Variants in SNAP91 observed in about 807,000 individuals in gnomAD.
The protein encoded by SNAP91 is synaptosome associated protein 91.
A neutral mutation model predicts 100.3 loss-of-function variants in SNAP91; 27 were observed. The observed-to-expected ratio is 0.27, with a 90% CI of 0.20 to 0.37. The LOEUF (loss-of-function observed/expected upper bound fraction) is 0.37, where lower values mean the gene tolerates loss of function less well. Among genes scored for constraint, SNAP91 ranks in the 10% least tolerant of loss-of-function variants. The pLI is 1.00. For synonymous variants in SNAP91, 404 were observed against 398.6 expected (o/e 1.01, Z -0.16); for missense variants, 986 against 1,123.7 (o/e 0.88, Z 1.75).
intron 22 of SNAP91, 112 bp downstream of exon 22, chr6:83,591,099 C>A: frequency 1.4e-6 from 1 of 696,454 alleles, no homozygotes; most frequent in Non-Finnish European, 2.4e-6. Flanking sequence ...AATTTTATGT[C>A]TTGAAAGAAA....
chr6:83,572,255 T>C (rs528140196), intron 26 of SNAP91, among the ~76,000 whole-genome samples: 47 of 152,274 alleles, frequency 3.1e-4, no homozygotes, highest in South Asian at 1.0e-3. Context: ...TTTTTTCCTT[T>C]TGTTTTTTTT....
chr6:83,662,495 A>ATT, intron 3 of SNAP91, 73 bp from the exon 4 acceptor site: 9 of 445,074 alleles, frequency 2.0e-5, no homozygotes, highest in Admixed American at 4.4e-5. Flanking sequence ...CACTAAAGCG[A>ATT]TTTTTTTTTT....
chr6:83,575,200 AT>A (rs1489594592), intron 25 of SNAP91, 79 bp from the exon 26 acceptor site: 1 of 988,652 alleles, frequency 1.0e-6, no homozygotes, highest in Non-Finnish European at 1.5e-6. Flanking sequence ...TCCTTAGATT[AT>A]TTTATTTGGG....
At chr6:83,570,591 G>C (rs927456605) in intron 26 of SNAP91, among the ~76,000 whole-genome samples, 2 of 151,908 alleles carry the variant, frequency 1.3e-5, no homozygotes, top group African/African-American at 4.8e-5. Flanking sequence ...TGGGCCCAGG[G>C]TCCCTGTGCT....
At chr6:83,595,436 A>G (rs769959589) in intron 16 of SNAP91, among the ~76,000 whole-genome samples, 20 of 152,232 alleles carry the variant, frequency 1.3e-4, no homozygotes, top group Non-Finnish European at 5.9e-5. Context: ...TGCCCATTTT[A>G]CAAATGGCTG....
intron 26 of SNAP91, among the ~76,000 whole-genome samples, chr6:83,574,461 T>C (rs2128070314): frequency 6.6e-6 from 1 of 152,286 alleles, no homozygotes; most frequent in Non-Finnish European, 1.5e-5. Flanking sequence ...TAGTTTCAAT[T>C]TTTAAAATGG....
In SNAP91 at chr6:83,593,622, C is replaced by G; in HGVS notation, c.1552G>C (p.Val518Leu). 1 of 1,607,714 alleles carries G rather than the reference C, an allele frequency of 6.2e-7. No individual in the cohort carries two copies. Among genetic ancestry groups the G allele is most frequent in the Non-Finnish European group, 8.5e-7 (1 of 1,176,914 alleles). The change falls in exon 18 of 30, where the codon GTT (valine) becomes CTT (leucine). Residue 518 changes from valine (V) to leucine (L), a missense_variant. Around this residue, in one of 4 missense-constraint regions of SNAP91, gnomAD observed 575 missense variants for 579.9 expected, o/e 0.99. Coordinates refer to ENST00000369694, the MANE Select transcript of SNAP91 (RefSeq NM_001242792.2). ...VTPTASTAPP[V>L]PATAPSPAPA... is the part of the protein sequence containing the mutation. The stretch of plus-strand genomic sequence containing the variant: ...GCAGGAGAAGGAGCAGTTGCGGGAA[C>G]TGGAGGGGCTGTGCTAGCTGTAGGG...
intron 2 of SNAP91, among the ~76,000 whole-genome samples, chr6:83,701,412 T>C (rs1407131300): frequency 6.6e-6 from 1 of 151,170 alleles, no homozygotes; most frequent in Admixed American, 6.6e-5. Flanking sequence ...AGCTTCTCTC[T>C]CTCCTGAGTA....
intron 11 of SNAP91, 67 bp from the exon 12 acceptor site, chr6:83,610,744 T>A (rs908425621): frequency 6.8e-4 from 78 of 115,388 alleles, no homozygotes; most frequent in Admixed American, 1.3e-3. Flanking sequence ...TATATATATA[T>A]ATAAATATAT....
At position 83,661,107 on chromosome 6, in the gene SNAP91, T is replaced by C. The variant is rs574220486; in HGVS notation, c.452+395A>G. ...ACAGGTATCACTGTGCCAGGCCAAA[T>C]AGCTATTGTCATCTACAGCCACTAT... is the stretch of plus-strand genomic sequence containing the variant. On this transcript the variant is annotated intron_variant, in intron 5 of 29. Transcript: ENST00000369694. 6.0e-3 allele frequency among the ~76,000 whole-genome samples: 910 copies of C among 152,286 alleles called. 2 individuals are homozygous for C. The highest frequency in any genetic ancestry group is 0.02 in the African/African-American group (846 of 41,570).
rs566238569 is a variant in SNAP91, at chr6:83,616,304, T to C, written c.878+665A>G. 4.6e-5 allele frequency among the ~76,000 whole-genome samples: 7 copies of C among 151,904 alleles called. No homozygotes were observed. In the East Asian group the frequency reaches 7.8e-4, roughly 17 times the overall value. On this transcript the variant is annotated intron_variant, in intron 10 of 29. Coordinates refer to ENST00000369694, the MANE Select transcript of SNAP91 (RefSeq NM_001242792.2). ...ATTGGAAAACACCAGGCCTTGTGAA[T>C]AGACAAGTTTCAGACCTGCTGGAGA... is the stretch of plus-strand genomic sequence containing the variant.
chr6:83,651,747 T>A (rs1218507392), intron 7 of SNAP91, among the ~76,000 whole-genome samples: 2 of 152,182 alleles, frequency 1.3e-5, no homozygotes, highest in African/African-American at 4.8e-5. Flanking sequence ...TATAGATATA[T>A]GTCCATTATA....
Position 83,607,774 on chromosome 6 carries a change from G to A in SNAP91, c.947C>T (p.Ser316Phe). ...SPATTVTSPN[S>F]TPAKTIDTSP... ...TGTGTCAATAGTTTTAGCTGGTGTA[G>A]AATTAGGAGACGTAACAGTTGTGGC... Residue 316 changes from serine (S) to phenylalanine (F), a missense_variant, in exon 13 of 30, where the codon TCT (serine) becomes TTT (phenylalanine). Physicochemically the swap from Ser to Phe is radical, Grantham distance 155. Coordinates refer to ENST00000369694, the MANE Select transcript of SNAP91 (RefSeq NM_001242792.2). 6.3e-7 allele frequency: 1 copy of A among 1,593,342 alleles called. No individual in the cohort carries two copies. Among genetic ancestry groups the A allele is most frequent in the Admixed American group, 1.8e-5 (1 of 56,996 alleles).
intron 7 of SNAP91, among the ~76,000 whole-genome samples, chr6:83,642,264 T>C (rs2097738870): frequency 6.6e-6 from 1 of 152,198 alleles, no homozygotes; most frequent in Admixed American, 6.5e-5. Flanking sequence ...TATGTATACA[T>C]GTGCCATGTT....
At chr6:83,664,841 G>T (rs1009316734) in intron 3 of SNAP91, among the ~76,000 whole-genome samples, 1 of 152,094 alleles carries the variant, frequency 6.6e-6, no homozygotes, top group Non-Finnish European at 1.5e-5. Flanking sequence ...GTAAAAGGAA[G>T]AGTCAATTGA....
chr6:83,622,175 T>C (rs2096755815), intron 9 of SNAP91, among the ~76,000 whole-genome samples: 1 of 152,084 alleles, frequency 6.6e-6, no homozygotes, highest in South Asian at 2.1e-4. Flanking sequence ...ACCAATATTC[T>C]GTCTATGAAA....
Position 83,582,352 on chromosome 6 carries a change from A to T in SNAP91, c.2019T>A (p.Phe673Leu), listed in dbSNP as rs779944407. The T allele has an allele frequency of 6.2e-7, 1 of 1,611,488 alleles. No individual in the cohort carries two copies. Among genetic ancestry groups the T allele is most frequent in the Non-Finnish European group, 8.5e-7 (1 of 1,178,836 alleles). The change falls in exon 23 of 30, where the codon TTT (phenylalanine) becomes TTA (leucine). Residue 673 changes from phenylalanine (F) to leucine (L), a missense_variant. Phe to Leu is a conservative substitution (Grantham distance 22). This residue lies in a region of SNAP91 where 575 missense variants were observed against 579.9 expected (regional missense o/e 0.99). Transcript: ENST00000369694. ...SSASADLLAG[F>L]GGSFMAPSPS... ...GGGAAGGCGCCATGAAAGAACCCCC[A>T]AATCCTGAAAAAAAGTTCCAAAAAA... is the stretch of plus-strand genomic sequence containing the variant.
intron 2 of SNAP91, among the ~76,000 whole-genome samples, chr6:83,703,838 T>C (rs1193001422): frequency 6.6e-6 from 1 of 152,208 alleles, no homozygotes; most frequent in Non-Finnish European, 1.5e-5. Context: ...AAGGTTTGTT[T>C]TGATGTTAAC....
In SNAP91 at chr6:83,680,661, C is replaced by A. The variant is rs1006560958; in HGVS notation, c.131-15080G>T. Among the ~76,000 whole-genome samples, 6 of 152,096 alleles carry A rather than the reference C, an allele frequency of 3.9e-5. No homozygotes were observed. The East Asian group carries it at 9.6e-4, about 24-fold the overall frequency. ...GAGTTCTCTAGTGCTCAGTCTAGAA[C>A]AAGTTTCTTAGCCTTGGCACTACTG... On this transcript the variant is annotated intron_variant, in intron 2 of 29. Coordinates refer to ENST00000369694, the MANE Select transcript of SNAP91 (RefSeq NM_001242792.2).
Sources: gnomAD v4.1 joint callset for allele counts (sites outside exome capture counted in the v4.1 genomes callset) on GRCh38, gnomAD v4.1.1 for gene constraint, gnomAD v4.1.1 regional missense constraint, MANE v1.5 for transcripts, NCBI Gene and HGNC (gene_info 2026-07-23, HGNC 2026-07-21) for gene names.